Variants in VPS72 observed in about 807,000 individuals in gnomAD.
VPS72 encodes vacuolar protein sorting 72 homolog, also known as vacuolar protein sorting-associated protein 72 homolog.
Under a neutral mutation model 38.9 loss-of-function variants are expected in VPS72, and 27 were observed. The observed-to-expected ratio is 0.69, with a 90% CI of 0.51 to 0.96. The LOEUF (loss-of-function observed/expected upper bound fraction) is 0.96. VPS72 is among the 40% of genes least tolerant of loss of function. The probability of loss-of-function intolerance (pLI) is 0.00; values close to 1 mark genes in which losing one functional copy is unlikely to be tolerated. For synonymous variants in VPS72, 173 were observed against 186.3 expected (o/e 0.93, Z 0.58); for missense variants, 360 against 479.5 (o/e 0.75, Z 2.33).
chr1:151,177,949 A>G (rs757817481), intron 5 of VPS72, 52 bp downstream of exon 5: 1 of 1,585,036 alleles, frequency 6.3e-7, no homozygotes, highest in Admixed American at 1.8e-5. Flanking sequence ...AAATGGGGCC[A>G]AGAGAACATG....
At chr1:151,180,088 G>A (rs1190142741) in intron 4 of VPS72, among the ~76,000 whole-genome samples, 2 of 151,986 alleles carry the variant, frequency 1.3e-5, no homozygotes, top group African/African-American at 2.4e-5. Context: ...GGAGGCCTAG[G>A]CGGGTGGATC....
At chr1:151,181,979 A>G (rs1330586852) in intron 4 of VPS72, among the ~76,000 whole-genome samples, 1 of 152,112 alleles carries the variant, frequency 6.6e-6, no homozygotes, top group Non-Finnish European at 1.5e-5. Context: ...TTGGCCTCCC[A>G]AAGTGCTGGG....
chr1:151,185,750 G>A, intron 2 of VPS72, 48 bp downstream of exon 2: 1 of 1,611,914 alleles, frequency 6.2e-7, no homozygotes, highest in Non-Finnish European at 8.5e-7. Flanking sequence ...TGATGAAAGA[G>A]AGAATAGGAA....
chr1:151,180,477 C>T (rs757610199), intron 4 of VPS72, among the ~76,000 whole-genome samples: 115 of 151,772 alleles, frequency 7.6e-4, no homozygotes, highest in Non-Finnish European at 1.3e-3. Context: ...CTTGCTCTGT[C>T]GCCAGGTTGG....
intron 1 of VPS72, among the ~76,000 whole-genome samples, chr1:151,187,493 T>C (rs1362224556): frequency 6.6e-6 from 1 of 152,180 alleles, no homozygotes; most frequent in Non-Finnish European, 1.5e-5. Flanking sequence ...CACCAGAGGG[T>C]AGTAGATCAA....
chr1:151,185,770 T>C (rs767492745), intron 2 of VPS72, 28 bp downstream of exon 2: 1 of 1,612,792 alleles, frequency 6.2e-7, no homozygotes, highest in South Asian at 1.1e-5. Context: ...ATTGAGGAAA[T>C]CCAAGACAAC....
chr1:151,179,226 G>C (rs1347729038), intron 4 of VPS72, among the ~76,000 whole-genome samples: 1 of 152,062 alleles, frequency 6.6e-6, no homozygotes, highest in Non-Finnish European at 1.5e-5. Context: ...AGGTTGAAGT[G>C]AGATTGCATT....
Position 151,185,611 on chromosome 1 carries a change from T to C in VPS72, c.280A>G (p.Lys94Glu). The change falls in exon 3 of 6, where the codon AAG (lysine) becomes GAG (glutamate). Residue 94 changes from lysine (K) to glutamate (E), a missense_variant. Transcript: ENST00000368892. ...VVTKAYKEPL[K>E]SLRPRKVNTP... ...TTGACCTTTCGAGGCCTTAAGCTCT[T>C]GAGAGGTTCCTGAGGACAGATTGGA... The C allele has an allele frequency of 6.2e-7, 1 of 1,614,084 alleles. No individual in the cohort carries two copies. Among genetic ancestry groups the C allele is most frequent in the Non-Finnish European group, 8.5e-7 (1 of 1,180,016 alleles).
At chr1:151,189,924 C>T (rs1684428974) in intron 1 of VPS72, 81 bp downstream of exon 1, 3 of 1,512,958 alleles carry the variant, frequency 2.0e-6, no homozygotes, top group East Asian at 2.3e-5. Flanking sequence ...ATTCCCCGCC[C>T]TCTTCTTCTT....
At chr1:151,179,725 T>C (rs966659387) in intron 4 of VPS72, among the ~76,000 whole-genome samples, 10 of 151,494 alleles carry the variant, frequency 6.6e-5, no homozygotes, top group African/African-American at 2.4e-4. Context: ...AAACCCCGTC[T>C]CTACTAAAAA....
chr1:151,183,892 CTTT>C (rs914124670), intron 4 of VPS72, among the ~76,000 whole-genome samples: 1 of 144,630 alleles, frequency 6.9e-6, no homozygotes, highest in Non-Finnish European at 1.5e-5. Context: ...TCACCCCCTG[CTTT>C]TTTTTTTTTT....
chr1:151,180,769 C>T (rs1684222370), intron 4 of VPS72, among the ~76,000 whole-genome samples: 1 of 152,302 alleles, frequency 6.6e-6, no homozygotes, highest in Admixed American at 6.5e-5. Context: ...TGCCTACACC[C>T]TCTGGAACTC....
intron 1 of VPS72, 52 bp from the exon 2 acceptor site, chr1:151,186,002 C>G: frequency 6.3e-7 from 1 of 1,595,432 alleles, no homozygotes; most frequent in Non-Finnish European, 8.5e-7. Context: ...CTTAATGCCC[C>G]TTCAGGAGGA....
chr1:151,183,546 C>T (rs587659514), intron 4 of VPS72, among the ~76,000 whole-genome samples: 8 of 151,390 alleles, frequency 5.3e-5, no homozygotes, highest in African/African-American at 1.2e-4. Context: ...ATTGCAACTT[C>T]CACCTCCCAG....
At position 151,181,957 on chromosome 1, in the gene VPS72, G is replaced by A. The variant is rs192544082; in HGVS notation, c.562+2360C>T. 9.7e-4 allele frequency among the ~76,000 whole-genome samples: 147 copies of A among 152,220 alleles called. 1 individual carries two copies. The highest frequency in any genetic ancestry group is 3.2e-3 in the African/African-American group (132 of 41,552). ...TGGTCTTGAACTCCTGGGCTCAAGC[G>A]ATCCTCCTTCCTTGGCCTCCCAAAG... On this transcript the variant is annotated intron_variant, in intron 4 of 5. Coordinates refer to ENST00000368892, the MANE Select transcript of VPS72 (RefSeq NM_005997.3).
At chr1:151,181,379 G>T (rs1467241158) in intron 4 of VPS72, among the ~76,000 whole-genome samples, 2 of 151,828 alleles carry the variant, frequency 1.3e-5, no homozygotes, top group South Asian at 2.1e-4. Context: ...GAGTAGCCAG[G>T]ACTACAGGCA....
chr1:151,180,261 G>C lies in VPS72; in HGVS notation c.563-2116C>G, dbSNP rs368646166. ...TTGAACCTGGGAGGCGGAGGTTGCA[G>C]TGAGCTGAGATTGTGCCATCGCACT... On this transcript the variant is annotated intron_variant, in intron 4 of 5. Coordinates refer to ENST00000368892, the MANE Select transcript of VPS72 (RefSeq NM_005997.3). Among the ~76,000 whole-genome samples, 54 of 151,154 alleles carry C rather than the reference G, an allele frequency of 3.6e-4. No individual in the cohort carries two copies. The East Asian group carries it at 0.01, about 29-fold the overall frequency.
intron 4 of VPS72, among the ~76,000 whole-genome samples, chr1:151,178,602 G>T (rs1266233569): frequency 6.6e-6 from 1 of 152,034 alleles, no homozygotes; most frequent in South Asian, 2.1e-4. Flanking sequence ...TTGCACTCCA[G>T]CCTAGGCAGC....
chr1:151,185,427 C>T, intron 3 of VPS72, 79 bp downstream of exon 3: 1 of 1,404,780 alleles, frequency 7.1e-7, no homozygotes, highest in Non-Finnish European at 1.0e-6. Context: ...CACCCAGCAA[C>T]ATCAGTAAAT....
Sources: allele counts gnomAD v4.1 joint callset (sites outside exome capture counted in the v4.1 genomes callset), GRCh38; gene constraint gnomAD v4.1.1; transcripts MANE v1.5; gene names NCBI Gene and HGNC (gene_info 2026-07-23, HGNC 2026-07-21).